Variants in HIP1 observed in about 807,000 individuals in gnomAD.
HIP1 encodes the protein huntingtin-interacting protein 1.
Under a neutral mutation model 147.6 loss-of-function variants are expected in HIP1, and 65 were observed. The observed-to-expected ratio is 0.44, with a 90% CI of 0.36 to 0.54. The LOEUF (loss-of-function observed/expected upper bound fraction) is 0.54, where lower values mean the gene tolerates loss of function less well. Ranked by LOEUF, HIP1 falls within the 20% of genes least tolerant of loss-of-function variation. The probability of loss-of-function intolerance (pLI) is 0.00; values close to 1 mark genes in which losing one functional copy is unlikely to be tolerated. For synonymous variants in HIP1, 479 were observed against 504.0 expected, an observed-to-expected ratio of 0.95 and a Z score of 0.67; for missense variants, 1,061 against 1,299.6, an observed-to-expected ratio of 0.82 and a Z score of 2.82.
intron 22 of HIP1, among the ~76,000 whole-genome samples, chr7:75,550,951 A>C (rs1295016046): frequency 6.6e-6 from 1 of 152,134 alleles, no homozygotes; most frequent in African/African-American, 2.4e-5. Context: ...TAACAACCCA[A>C]ACTGGAAATA....
At chr7:75,727,065 C>T (rs947003794) in intron 1 of HIP1, among the ~76,000 whole-genome samples, 1 of 151,908 alleles carries the variant, frequency 6.6e-6, no homozygotes, top group Non-Finnish European at 1.5e-5. Context: ...TTGTTTATCC[C>T]CTTTCATTAA....
Position 75,559,825 on chromosome 7 carries a change from C to T in HIP1, c.1282G>A (p.Asp428Asn), listed in dbSNP as rs782489668. 3.8e-5 allele frequency: 62 copies of T among 1,612,760 alleles called. No homozygotes were observed. In the South Asian group the frequency reaches 4.6e-4, roughly 12 times the overall value. ...TCTGCCCGCAGGAATTCACAGTCGT[C>T]GGCCGCCTGCTGCCGCAGGTGCTGC... ...EQQHLRQQAA[D>N]DCEFLRAELD... Residue 428 changes from aspartate (D) to asparagine (N), a missense_variant, in exon 14 of 31, where the codon GAC becomes AAC. Physicochemically the swap from Asp to Asn is conservative, Grantham distance 23. Transcript: ENST00000336926.
At chr7:75,571,825 C>A (rs180755049) in intron 8 of HIP1, among the ~76,000 whole-genome samples, 29 of 152,306 alleles carry the variant, frequency 1.9e-4, no homozygotes, top group Admixed American at 1.8e-3. Flanking sequence ...CTCAAGCGAT[C>A]TGCCTGCATC....
At position 75,554,095 on chromosome 7, in the gene HIP1, T is replaced by G. The variant is rs1167806; in HGVS notation, c.2158+18A>C. 2.7e-5 allele frequency: 43 copies of G among 1,599,278 alleles called. No individual in the cohort carries two copies. The South Asian group carries it at 4.7e-4, about 18-fold the overall frequency. On this transcript the variant is annotated intron_variant, in intron 21 of 30. Transcript: ENST00000336926. ...GCTCCCCTGGTCCATGAACAGCCCC[T>G]CATGCCCCGGTACTCACAGTCGGCA...
At chr7:75,706,298 C>T (rs1184720676) in intron 1 of HIP1, among the ~76,000 whole-genome samples, 3 of 152,058 alleles carry the variant, frequency 2.0e-5, no homozygotes, top group Admixed American at 6.6e-5. Flanking sequence ...TCCACATCCT[C>T]ACCAGTACTT....
chr7:75,667,630 C>T (rs540996723), intron 1 of HIP1, among the ~76,000 whole-genome samples: 8 of 152,286 alleles, frequency 5.3e-5, no homozygotes, highest in Admixed American at 3.9e-4. Flanking sequence ...AGGCTACACG[C>T]GTGTGCCATC....
intron 1 of HIP1, among the ~76,000 whole-genome samples, chr7:75,690,493 C>A (rs181507786): frequency 6.6e-6 from 1 of 152,124 alleles, no homozygotes; most frequent in Non-Finnish European, 1.5e-5. Context: ...TGTAAAGAAA[C>A]CGGAACCCTT....
At chr7:75,646,600 C>T (rs528649759) in intron 1 of HIP1, among the ~76,000 whole-genome samples, 42 of 152,358 alleles carry the variant, frequency 2.8e-4, no homozygotes, top group African/African-American at 9.6e-4. Flanking sequence ...TAACCACGAC[C>T]GGTCATCCGC....
chr7:75,557,615 C>T, intron 16 of HIP1, 39 bp downstream of exon 16: 18 of 1,455,420 alleles, frequency 1.2e-5, no homozygotes, highest in East Asian at 2.3e-5. Flanking sequence ...ACTCAACAGC[C>T]CCCTCCCTCA....
At chr7:75,671,143 G>A (rs1563283652) in intron 1 of HIP1, among the ~76,000 whole-genome samples, 1 of 152,048 alleles carries the variant, frequency 6.6e-6, no homozygotes, top group Admixed American at 6.6e-5. Context: ...GCCCAGGCTG[G>A]AGGGCAATGG....
chr7:75,540,200 G>T (rs587663118), intron 29 of HIP1, among the ~76,000 whole-genome samples: 2 of 152,060 alleles, frequency 1.3e-5, no homozygotes, highest in African/African-American at 4.8e-5. Flanking sequence ...GGCCAACGTG[G>T]GTGGATCACC....
chr7:75,567,595 G>A (rs587713235), intron 9 of HIP1, among the ~76,000 whole-genome samples: 1 of 151,368 alleles, frequency 6.6e-6, no homozygotes, highest in East Asian at 1.9e-4. Flanking sequence ...AAGGTCAAGA[G>A]ATCGAGACCA....
chr7:75,607,193 G>T (rs1797254824), intron 1 of HIP1, among the ~76,000 whole-genome samples: 1 of 150,410 alleles, frequency 6.6e-6, no homozygotes, highest in Non-Finnish European at 1.5e-5. Context: ...ACACAGTAAG[G>T]CACCATCTCT....
chr7:75,567,326 C>G (rs1483738490), intron 9 of HIP1, among the ~76,000 whole-genome samples: 3 of 151,142 alleles, frequency 2.0e-5, no homozygotes, highest in Non-Finnish European at 4.4e-5. Context: ...AAGACCAGAA[C>G]TTAGGGAGAC....
chr7:75,643,723 G>C (rs1252772364), intron 1 of HIP1, among the ~76,000 whole-genome samples: 1 of 152,200 alleles, frequency 6.6e-6, no homozygotes, highest in African/African-American at 2.4e-5. Context: ...GGTATGGCTG[G>C]GCGCGGTGGC....
chr7:75,666,966 G>A (rs1242319664), intron 1 of HIP1, among the ~76,000 whole-genome samples: 3 of 151,994 alleles, frequency 2.0e-5, no homozygotes, highest in South Asian at 4.1e-4. Context: ...ACAGTTTTAC[G>A]AAAAGGGTTA....
intron 1 of HIP1, chr7:75,639,243 AAGGGGAGGGGG>A (rs1554510096): frequency 8.0e-6 from 7 of 874,404 alleles, no homozygotes; most frequent in South Asian, 5.5e-5. Context: ...CGGAGAAAGG[AAGGGGAGGGGG>A]AGGGGAGGCG....
At chr7:75,624,187 C>T (rs587636776) in intron 1 of HIP1, among the ~76,000 whole-genome samples, 2 of 152,282 alleles carry the variant, frequency 1.3e-5, no homozygotes, top group South Asian at 2.1e-4. Flanking sequence ...CTGGAGGCCA[C>T]GGAATCAGGC....
chr7:75,736,468 G>A (rs868930642), intron 1 of HIP1, among the ~76,000 whole-genome samples: 2 of 151,838 alleles, frequency 1.3e-5, no homozygotes, highest in South Asian at 4.1e-4. Flanking sequence ...TGTAGTCCCA[G>A]CACTTTGGGA....
Sources: gnomAD v4.1 joint callset for allele counts (sites outside exome capture counted in the v4.1 genomes callset) on GRCh38, gnomAD v4.1.1 for gene constraint, MANE v1.5 for transcripts, NCBI Gene and HGNC (gene_info 2026-07-23, HGNC 2026-07-21) for gene names.